Variants in SLC4A4 observed in about 807,000 individuals in gnomAD.
SLC4A4 encodes electrogenic sodium bicarbonate cotransporter 1.
SLC4A4 carries 27 observed loss-of-function variants against 111.5 expected under a neutral mutation model. The ratio of observed to expected loss-of-function variants is 0.24; its 90% CI spans 0.18 to 0.33. The LOEUF is 0.33. SLC4A4 is among the 10% of genes least tolerant of loss of function. The pLI, the probability that SLC4A4 is intolerant of heterozygous loss-of-function variation, is 1.00. For missense variants in SLC4A4, 909 were observed against 1,315.5 expected (o/e 0.69, Z 4.78); for synonymous variants, 443 against 463.4 (o/e 0.96, Z 0.57).
At chr4:71,072,602 A>G (rs1741699308) in intron 1 of SLC4A4, among the ~76,000 whole-genome samples, 1 of 149,864 alleles carries the variant, frequency 6.7e-6, no homozygotes, top group Admixed American at 6.6e-5. Flanking sequence ...ACAGCTTGCT[A>G]TTTTTCTAAC....
chr4:71,563,651 G>T (rs1560625822), intron 23 of SLC4A4, 142 bp from the exon 24 acceptor site: 3 of 679,704 alleles, frequency 4.4e-6, no homozygotes, highest in South Asian at 3.3e-5. Context: ...GCAGTTAAAA[G>T]ATGGCAAACT....
intron 7 of SLC4A4, among the ~76,000 whole-genome samples, chr4:71,398,787 A>C (rs930589096): frequency 1.3e-5 from 2 of 152,186 alleles, no homozygotes; most frequent in African/African-American, 4.8e-5. Flanking sequence ...GGAAACTATA[A>C]TACATAACTC....
intron 2 of SLC4A4, among the ~76,000 whole-genome samples, chr4:71,181,535 G>T (rs1745293770): frequency 6.6e-6 from 1 of 152,114 alleles, no homozygotes; most frequent in Non-Finnish European, 1.5e-5. Flanking sequence ...ATGTTATTGT[G>T]TAAGAAGAAT....
At chr4:71,407,390 A>G (rs570732991) in intron 7 of SLC4A4, among the ~76,000 whole-genome samples, 1 of 152,182 alleles carries the variant, frequency 6.6e-6, no homozygotes, top group Non-Finnish European at 1.5e-5. Context: ...AGTATAATCT[A>G]TGATCTCAGA....
intron 1 of SLC4A4, among the ~76,000 whole-genome samples, chr4:71,086,306 TA>T (rs749550004): frequency 3.6e-4 from 55 of 151,844 alleles, no homozygotes; most frequent in Non-Finnish European, 6.0e-4. Flanking sequence ...GATTTTGGGC[TA>T]AGACGATGGG....
chr4:71,422,958 A>G (rs1445041469), intron 7 of SLC4A4, among the ~76,000 whole-genome samples: 1 of 152,178 alleles, frequency 6.6e-6, no homozygotes, highest in East Asian at 1.9e-4. Flanking sequence ...CACCACTCCT[A>G]TTCAACATAG....
chr4:71,071,389 A>G (rs566921522), intron 1 of SLC4A4, among the ~76,000 whole-genome samples: 1 of 152,272 alleles, frequency 6.6e-6, no homozygotes, highest in Admixed American at 6.5e-5. Context: ...TTTAAGAAAT[A>G]CATTTCCTTG....
intron 6 of SLC4A4, among the ~76,000 whole-genome samples, chr4:71,395,688 T>A (rs1336986769): frequency 1.3e-5 from 2 of 152,224 alleles, no homozygotes; most frequent in Non-Finnish European, 2.9e-5. Context: ...GAAATGTGCC[T>A]TTGCAGTATT....
At chr4:71,485,778 T>C (rs1729326469) in intron 14 of SLC4A4, among the ~76,000 whole-genome samples, 1 of 151,580 alleles carries the variant, frequency 6.6e-6, no homozygotes, top group African/African-American at 2.4e-5. Context: ...TCTGCTCTCA[T>C]TCATTTTTAG....
intron 6 of SLC4A4, among the ~76,000 whole-genome samples, chr4:71,380,599 A>G (rs1578965642): frequency 6.6e-6 from 1 of 152,102 alleles, no homozygotes; most frequent in African/African-American, 2.4e-5. Context: ...TGCAGAACCA[A>G]CCCCCAGCCA....
chr4:71,443,001 G>A (rs1227421679), intron 8 of SLC4A4, among the ~76,000 whole-genome samples: 2 of 149,862 alleles, frequency 1.3e-5, no homozygotes, highest in Non-Finnish European at 3.0e-5. Context: ...TTTGGTTACT[G>A]GATAGGATAT....
Position 71,087,408 on chromosome 4 carries a change from G to T in SLC4A4, c.-64-5322G>T, listed in dbSNP as rs529157446. Among the ~76,000 whole-genome samples, 3 of 152,034 alleles carry T rather than the reference G, an allele frequency of 2.0e-5. No individual in the cohort carries two copies. The East Asian group carries it at 5.8e-4, about 29-fold the overall frequency. ...GTTTTTTGTGTCTCTATCTCCTTCA[G>T]TTCTGCTCTGATCTTAGTTATTTCT... On this transcript the variant is annotated intron_variant, in intron 1 of 26. Coordinates refer to the SLC4A4 transcript ENST00000649996.
intron 3 of SLC4A4, among the ~76,000 whole-genome samples, chr4:71,308,736 T>C (rs1292859748): frequency 1.3e-5 from 2 of 152,164 alleles, no homozygotes; most frequent in Non-Finnish European, 2.9e-5. Flanking sequence ...TTCCCTTGTG[T>C]GCCTACACCA....
intron 2 of SLC4A4, among the ~76,000 whole-genome samples, chr4:71,172,454 C>A (rs998232290): frequency 6.6e-6 from 1 of 152,052 alleles, no homozygotes; most frequent in Non-Finnish European, 1.5e-5. Flanking sequence ...TGGGGTTTCA[C>A]CATGTTGGCC....
intron 2 of SLC4A4, among the ~76,000 whole-genome samples, chr4:71,161,603 A>C (rs1000778751): frequency 1.3e-5 from 2 of 152,196 alleles, no homozygotes; most frequent in African/African-American, 4.8e-5. Context: ...CTTCATGAGG[A>C]CAAAGATTAT....
chr4:71,419,691 C>T (rs545681691), intron 7 of SLC4A4, among the ~76,000 whole-genome samples: 49 of 152,304 alleles, frequency 3.2e-4, no homozygotes, highest in African/African-American at 9.6e-4. Context: ...GTGCACGGTG[C>T]GCTGCACCTA....
chr4:71,371,892 G>A (rs904949049), intron 6 of SLC4A4, among the ~76,000 whole-genome samples: 6 of 152,134 alleles, frequency 3.9e-5, no homozygotes, highest in African/African-American at 1.4e-4. Context: ...TTCATTAAAA[G>A]CAACCAACAG....
intron 2 of SLC4A4, among the ~76,000 whole-genome samples, chr4:71,112,516 A>C (rs1743115622): frequency 6.6e-6 from 1 of 152,214 alleles, no homozygotes; most frequent in African/African-American, 2.4e-5. Flanking sequence ...TAAAGGAAAC[A>C]AAATAAACAC....
intron 2 of SLC4A4, among the ~76,000 whole-genome samples, chr4:71,120,636 G>A (rs1037679875): frequency 1.8e-4 from 28 of 152,236 alleles, no homozygotes; most frequent in African/African-American, 2.4e-4. Flanking sequence ...GGGAGGCCGA[G>A]GTGGGAGGAT....
Sources: gnomAD v4.1 joint callset for allele counts (sites outside exome capture counted in the v4.1 genomes callset) on GRCh38, gnomAD v4.1.1 for gene constraint, MANE v1.5 for transcripts, NCBI Gene and HGNC (gene_info 2026-07-23, HGNC 2026-07-21) for gene names.